The following EEF1AKMT1 variants were observed in gnomAD, a reference collection of about 807,000 sequenced individuals.
The protein encoded by EEF1AKMT1 is EEF1A lysine methyltransferase 1, also known as N-6 adenine-specific DNA methyltransferase 2 (putative).
In EEF1AKMT1, 18 loss-of-function variants were observed where a neutral mutation model predicts 21.0. That is an observed-to-expected ratio of 0.86 (90% CI 0.59 to 1.27). The LOEUF is 1.27. Among genes scored for constraint, EEF1AKMT1 ranks in the 50% most tolerant of loss-of-function variants. The pLI, the probability that EEF1AKMT1 is intolerant of heterozygous loss-of-function variation, is 0.00. For missense variants in EEF1AKMT1, 246 were observed against 258.6 expected (o/e 0.95, Z 0.33); for synonymous variants, 109 against 94.8 (o/e 1.15, Z -0.87).
At chr13:20,763,492 G>T (rs188590533) in intron 1 of EEF1AKMT1, among the ~76,000 whole-genome samples, 1 of 150,100 alleles carries the variant, frequency 6.7e-6, no homozygotes, top group Non-Finnish European at 1.5e-5. Context: ...TGCTATTGTC[G>T]CCCAGGCTGG....
rs1555327133 is a variant in EEF1AKMT1, at chr13:20,760,123, A to AAAAAAAAAG, written c.-19-2507_-19-2506insCTTTTTTTT. Among the ~76,000 whole-genome samples, 95 of 127,458 alleles carry AAAAAAAAAG rather than the reference A, an allele frequency of 7.5e-4. 5 individuals carry two copies. The highest frequency in any genetic ancestry group is 4.1e-3 in the East Asian group (16 of 3,890). 83.6% of individuals were successfully genotyped at this position (127,458 alleles called of 152,430 possible). Reference sequence around the variant, plus strand: ...CTGTCTCAAAAAAAAAAAAAAAAAAAAAGTCAAAAAATAACAGATGTGGGC... The same window carrying AAAAAAAAAG: ...CTGTCTCAAAAAAAAAAAAAAAAAAAAAAAAAAAGAAGTCAAAAAATAACAGATGTGGGC... On this transcript the variant is annotated intron_variant, in intron 1 of 4. Coordinates refer to ENST00000382758, the MANE Select transcript of EEF1AKMT1 (RefSeq NM_001318939.2).
intron 1 of EEF1AKMT1, among the ~76,000 whole-genome samples, chr13:20,769,750 T>G (rs2059053863): frequency 6.6e-6 from 1 of 151,540 alleles, no homozygotes; most frequent in Admixed American, 6.6e-5. Flanking sequence ...ACATAAAAAT[T>G]ACAAGGCACA....
rs1245451986 is a variant in EEF1AKMT1, at chr13:20,737,723, C to T, written c.227G>A (p.Arg76Lys). The change falls in exon 3 of 5, where the codon AGA becomes AAA. Residue 76 changes from arginine (R) to lysine (K), a missense_variant and splice_region_variant. Transcript: ENST00000382758. The stretch of plus-strand genomic sequence containing the variant: ...CAAAAAGAGAAAATTTGAATCTCAC[C>T]TGCCACCTTCTCCTACAGCTGCAAT... Reference protein sequence around the residue: ...EAIAAVGEGGRIACVSAPSVY... With the variant: ...EAIAAVGEGGKIACVSAPSVY... 1 of 1,611,042 alleles carries T rather than the reference C, an allele frequency of 6.2e-7. No individual in the cohort carries two copies. Among genetic ancestry groups the T allele is most frequent in the East Asian group, 2.2e-5 (1 of 44,838 alleles).
intron 2 of EEF1AKMT1, among the ~76,000 whole-genome samples, chr13:20,754,170 T>C (rs2058958464): frequency 6.6e-6 from 1 of 152,200 alleles, no homozygotes; most frequent in African/African-American, 2.4e-5. Flanking sequence ...CTAGAGGTGA[T>C]GAATTTCCTC....
chr13:20,738,672 T>C (rs1297810740), intron 2 of EEF1AKMT1, among the ~76,000 whole-genome samples: 2 of 152,212 alleles, frequency 1.3e-5, no homozygotes, highest in African/African-American at 4.8e-5. Flanking sequence ...AGGGTACTGA[T>C]ATATGCTACA....
chr13:20,748,726 G>GTT (rs750094631), intron 2 of EEF1AKMT1, among the ~76,000 whole-genome samples: 27,550 of 70,762 alleles, frequency 0.39, 5,766 homozygotes, highest in Non-Finnish European at 0.47. Flanking sequence ...TTTTTTTTTG[G>GTT]TTTTTTTTTT....
intron 3 of EEF1AKMT1, among the ~76,000 whole-genome samples, chr13:20,735,593 G>A (rs145943354): frequency 6.6e-6 from 1 of 152,174 alleles, no homozygotes. Flanking sequence ...TTAGACACGG[G>A]GGTTCCCTAG....
At position 20,733,462 on chromosome 13, in the gene EEF1AKMT1, C is replaced by T. The variant is rs943209184; in HGVS notation, c.228-1341G>A. Among the ~76,000 whole-genome samples the T allele has an allele frequency of 1.1e-4, 17 of 152,310 alleles. No homozygotes were observed. In the East Asian group the frequency reaches 2.9e-3, roughly 26 times the overall value. On this transcript the variant is annotated intron_variant, in intron 3 of 4. Transcript: ENST00000382758. ...GCTGGTCTCAAACTCCAGAGCTCAA[C>T]ATCTGCCTGCCTTGACCTCCTAAAG...
chr13:20,739,208 T>C (rs1156289781), intron 2 of EEF1AKMT1, among the ~76,000 whole-genome samples: 1 of 152,142 alleles, frequency 6.6e-6, no homozygotes, highest in Non-Finnish European at 1.5e-5. Context: ...TTCGCTGGTT[T>C]CAGGAGTGAA....
At chr13:20,765,175 C>T (rs1191034324) in intron 1 of EEF1AKMT1, among the ~76,000 whole-genome samples, 7 of 151,936 alleles carry the variant, frequency 4.6e-5, no homozygotes, top group Admixed American at 1.3e-4. Context: ...GCAGGAAAAT[C>T]GCTTGAACCC....
intron 2 of EEF1AKMT1, among the ~76,000 whole-genome samples, chr13:20,749,287 A>T (rs1452059602): frequency 6.6e-6 from 1 of 152,056 alleles, no homozygotes; most frequent in Non-Finnish European, 1.5e-5. Context: ...TCCCCTGAAG[A>T]TCTCTGTCCT....
intron 2 of EEF1AKMT1, among the ~76,000 whole-genome samples, chr13:20,748,712 G>GT (rs2058922222): frequency 8.6e-6 from 1 of 116,516 alleles, no homozygotes; most frequent in African/African-American, 3.1e-5. Context: ...CTAATGTATA[G>GT]TTGTTTTTTT....
At chr13:20,739,406 T>A (rs2141417188) in intron 2 of EEF1AKMT1, among the ~76,000 whole-genome samples, 1 of 152,298 alleles carries the variant, frequency 6.6e-6, no homozygotes, top group South Asian at 2.1e-4. Flanking sequence ...CCCACCCACA[T>A]CCTGCTGATT....
intron 2 of EEF1AKMT1, among the ~76,000 whole-genome samples, chr13:20,738,404 G>A (rs1359489575): frequency 6.6e-6 from 1 of 152,190 alleles, no homozygotes; most frequent in Non-Finnish European, 1.5e-5. Flanking sequence ...TCTATTCATA[G>A]TTATAAATTA....
At chr13:20,763,019 C>G (rs916290818) in intron 1 of EEF1AKMT1, among the ~76,000 whole-genome samples, 1 of 152,078 alleles carries the variant, frequency 6.6e-6, no homozygotes, top group African/African-American at 2.4e-5. Flanking sequence ...TTAACTGATT[C>G]TTCTTATGTA....
intron 1 of EEF1AKMT1, chr13:20,769,086 G>A (rs2059050709): frequency 6.6e-6 from 1 of 152,118 alleles, no homozygotes; most frequent in South Asian, 2.1e-4. Context: ...TTCTATGGTT[G>A]TCACTGGGAA....
At chr13:20,751,602 C>T (rs1339500656) in intron 2 of EEF1AKMT1, among the ~76,000 whole-genome samples, 1 of 152,024 alleles carries the variant, frequency 6.6e-6, no homozygotes, top group Non-Finnish European at 1.5e-5. Context: ...GATGCCTCCA[C>T]CCTTGTTCTA....
intron 2 of EEF1AKMT1, among the ~76,000 whole-genome samples, chr13:20,755,869 C>T (rs905444160): frequency 1.3e-5 from 2 of 151,944 alleles, no homozygotes; most frequent in Admixed American, 1.3e-4. Flanking sequence ...AAAAAAAGTA[C>T]ATAGTATTTT....
chr13:20,753,327 T>C (rs1417546229), intron 2 of EEF1AKMT1, among the ~76,000 whole-genome samples: 1 of 152,174 alleles, frequency 6.6e-6, no homozygotes, highest in Admixed American at 6.5e-5. Context: ...CAAAAATTGT[T>C]GAGACTTGTT....
Sources: allele counts gnomAD v4.1 joint callset (sites outside exome capture counted in the v4.1 genomes callset), GRCh38; gene constraint gnomAD v4.1.1; transcripts MANE v1.5; gene names NCBI Gene and HGNC (gene_info 2026-07-23, HGNC 2026-07-21).